TMEM45B: variants seen among roughly 807,000 people sequenced by gnomAD.
The protein encoded by TMEM45B is transmembrane protein 45B.
Under a neutral mutation model 27.3 loss-of-function variants are expected in TMEM45B, and 29 were observed. The observed-to-expected ratio is 1.06, with a 90% CI of 0.79 to 1.45. The LOEUF (loss-of-function observed/expected upper bound fraction) is 1.45. Ranked by LOEUF, TMEM45B falls within the 40% of genes most tolerant of loss-of-function variation. The pLI is 0.00. For synonymous variants in TMEM45B, 143 were observed against 134.7 expected (o/e 1.06, Z -0.43); for missense variants, 348 against 343.9 (o/e 1.01, Z -0.09).
chr11:129,817,831 G>A (rs779055136), intron 1 of TMEM45B, among the ~76,000 whole-genome samples: 1 of 152,184 alleles, frequency 6.6e-6, no homozygotes, highest in Non-Finnish European at 1.5e-5. Flanking sequence ...TGTGTTGGGT[G>A]TAATCAAAAG....
chr11:129,820,939 T>C (rs1385040937), intron 1 of TMEM45B, among the ~76,000 whole-genome samples: 3 of 152,124 alleles, frequency 2.0e-5, no homozygotes, highest in Non-Finnish European at 4.4e-5. Context: ...TCTTTTCCAG[T>C]TCTGGATGAC....
Position 129,821,677 on chromosome 11 carries a change from G to A in TMEM45B, c.-9+5779G>A, listed in dbSNP as rs199830931. On this transcript the variant is annotated intron_variant, in intron 1 of 5. Transcript: ENST00000281441. ...ATTAATCAGAAATCATTTCCCGTAC[G>A]AATTTTGAAAACATTGCTCTATTTT... 4.6e-5 allele frequency among the ~76,000 whole-genome samples: 7 copies of A among 152,238 alleles called. No homozygotes were observed. In the East Asian group the frequency reaches 1.2e-3, roughly 25 times the overall value.
At chr11:129,854,521 G>T in intron 2 of TMEM45B, 89 bp from the exon 3 acceptor site, 1 of 1,371,526 alleles carries the variant, frequency 7.3e-7, no homozygotes. Context: ...CCCCATCTCC[G>T]CTTCGCTCAT....
chr11:129,858,658 C>A lies in TMEM45B; in HGVS notation c.801C>A (p.Ala267=), dbSNP rs778274462. ...KLNSDDTYQT[A]LLSGSDEE ...ATTCAGATGACACTTACCAGACCGC[C>A]CTCTTGAGTGGCTCAGATGAGGAAT... The change falls in exon 6 of 6, where the codon GCC becomes GCA. Residue 267 remains alanine (A), a synonymous_variant. Coordinates refer to ENST00000281441, the MANE Select transcript of TMEM45B (RefSeq NM_138788.5). The A allele has an allele frequency of 1.2e-5, 19 of 1,567,888 alleles. No individual in the cohort carries two copies. The South Asian group carries it at 1.8e-4, about 15-fold the overall frequency.
At chr11:129,858,533 G>C (rs1457842582) in intron 5 of TMEM45B, 41 bp from the exon 6 acceptor site, 3 of 1,441,748 alleles carry the variant, frequency 2.1e-6, no homozygotes, top group African/African-American at 1.4e-5. Context: ...TGGATTAAGG[G>C]AATCTCTGGC....
In TMEM45B at chr11:129,852,635, A is replaced by T; in HGVS notation, c.153A>T (p.Ala51=). 1 of 1,608,808 alleles carries T rather than the reference A, an allele frequency of 6.2e-7. No homozygotes were observed. The highest frequency in any genetic ancestry group is 8.5e-7 in the Non-Finnish European group (1 of 1,175,520). ...YYQRLEIVEA[A]IRTLFSVTGI... Reference sequence around the variant, plus strand: ...AGCGTCTCGAGATCGTCGAAGCCGCAATTAGGACTTTGTTTTCCGTCACTG... The same window carrying T: ...AGCGTCTCGAGATCGTCGAAGCCGCTATTAGGACTTTGTTTTCCGTCACTG... Residue 51 remains alanine, a synonymous_variant, in exon 2 of 6, where the codon GCA becomes GCT. Coordinates refer to ENST00000281441, the MANE Select transcript of TMEM45B (RefSeq NM_138788.5).
chr11:129,843,701 C>G (rs1947724460), intron 1 of TMEM45B, among the ~76,000 whole-genome samples: 1 of 151,806 alleles, frequency 6.6e-6, no homozygotes, highest in African/African-American at 2.4e-5. Flanking sequence ...CTCAACATCA[C>G]TAATCGTCAG....
intron 1 of TMEM45B, among the ~76,000 whole-genome samples, chr11:129,823,326 G>A (rs150260542): frequency 6.5e-4 from 99 of 152,180 alleles, no homozygotes; most frequent in East Asian, 5.6e-3. Context: ...CAGATACTAC[G>A]TTTGATAGGA....
intron 1 of TMEM45B, 127 bp downstream of exon 1, chr11:129,816,025 G>A: frequency 8.2e-7 from 1 of 1,220,340 alleles, no homozygotes; most frequent in Non-Finnish European, 1.0e-6. Flanking sequence ...CGGGGGAGGG[G>A]ACGCGGACAG....
At chr11:129,820,889 A>G (rs1947411040) in intron 1 of TMEM45B, among the ~76,000 whole-genome samples, 1 of 152,098 alleles carries the variant, frequency 6.6e-6, no homozygotes, top group African/African-American at 2.4e-5. Flanking sequence ...TGATATTACC[A>G]TATTCTAAAT....
rs1947485577 is a variant in TMEM45B, at chr11:129,826,573, C to A, written c.-9+10675C>A. Among the ~76,000 whole-genome samples, 2 of 81,064 alleles carry A rather than the reference C, an allele frequency of 2.5e-5. 1 individual carries two copies. Among genetic ancestry groups the A allele is most frequent in the Admixed American group, 2.8e-4 (2 of 7,246 alleles). 53.2% of individuals were successfully genotyped at this position (81,064 alleles called of 152,430 possible). ...CAAAAAAAAAAAAAAAAAAAAGGAC[C>A]CTGAGAGGCTATGTGTCTTGCTCAA... On this transcript the variant is annotated intron_variant, in intron 1 of 5. Transcript: ENST00000281441.
intron 1 of TMEM45B, among the ~76,000 whole-genome samples, chr11:129,825,733 G>GGGAA (rs746585864): frequency 6.6e-6 from 1 of 152,130 alleles, no homozygotes; most frequent in African/African-American, 2.4e-5. Context: ...TGGATGCTGA[G>GGGAA]GGAAGGAAGG....
chr11:129,855,875 G>A lies in TMEM45B; in HGVS notation c.553G>A (p.Gly185Arg), dbSNP rs775422659. ...LFRTSLIILQ[G>R]TWFWQIGFVL... ...CCGAACCAGTCTCATCATTCTTCAGGGAACCTGGTTCTGGCAGGTGATTTT... is the reference window on the plus strand; with the variant it reads ...CCGAACCAGTCTCATCATTCTTCAGAGAACCTGGTTCTGGCAGGTGATTTT... Residue 185 changes from glycine to arginine, a missense_variant, in exon 4 of 6, where the codon GGA (glycine) becomes AGA (arginine). By Grantham distance (125) the Gly-to-Arg change is moderately radical (BLOSUM62 -2). Coordinates refer to ENST00000281441, the MANE Select transcript of TMEM45B (RefSeq NM_138788.5). 2.5e-6 allele frequency: 4 copies of A among 1,614,058 alleles called. No individual in the cohort carries two copies. Among genetic ancestry groups the A allele is most frequent in the Non-Finnish European group, 3.4e-6 (4 of 1,180,010 alleles).
chr11:129,849,519 C>T (rs796624330), intron 1 of TMEM45B, among the ~76,000 whole-genome samples: 26 of 152,340 alleles, frequency 1.7e-4, no homozygotes, highest in African/African-American at 6.0e-4. Flanking sequence ...TGCAGTGGCT[C>T]CACCCCGGTG....
In TMEM45B at chr11:129,859,677, G is replaced by T. The variant is rs927864187; in HGVS notation, c.*992G>T. 1.3e-5 allele frequency: 2 copies of T among 152,020 alleles called. No homozygotes were observed. The highest frequency in any genetic ancestry group is 4.8e-5 in the African/African-American group (2 of 41,372). 9.4% of individuals were successfully genotyped at this position (152,020 alleles called of 1,614,324 possible). A position where few individuals can be genotyped will look rare whatever the true frequency, so the allele number is the denominator to read the frequency against. ...CTACTGAAAATACAAAAAATTAGCC[G>T]GGTGTGGTGGCGGGCGCCTGTAGTT... On this transcript the variant is annotated 3_prime_UTR_variant, in exon 6 of 6. Coordinates refer to ENST00000281441, the MANE Select transcript of TMEM45B (RefSeq NM_138788.5).
intron 1 of TMEM45B, among the ~76,000 whole-genome samples, chr11:129,827,469 T>C (rs966616528): frequency 2.6e-5 from 4 of 152,168 alleles, no homozygotes; most frequent in African/African-American, 7.2e-5. Context: ...AGCACAGTGG[T>C]AAGTATGTGT....
rs1947451714 is a variant in TMEM45B, at chr11:129,824,109, C to T, written c.-9+8211C>T. Reference sequence around the variant, plus strand: ...CTAACTCAGACCCACAATGAAAGTCCCTCTCTTCTGGCCATTACTGAGATA... The same window carrying T: ...CTAACTCAGACCCACAATGAAAGTCTCTCTCTTCTGGCCATTACTGAGATA... On this transcript the variant is annotated intron_variant, in intron 1 of 5. Coordinates refer to ENST00000281441, the MANE Select transcript of TMEM45B (RefSeq NM_138788.5). 3.9e-5 allele frequency among the ~76,000 whole-genome samples: 6 copies of T among 152,304 alleles called. No individual in the cohort carries two copies. The South Asian group carries it at 1.2e-3, about 32-fold the overall frequency.
chr11:129,839,512 T>C (rs565656290), intron 1 of TMEM45B, among the ~76,000 whole-genome samples: 30 of 152,320 alleles, frequency 2.0e-4, no homozygotes, highest in African/African-American at 7.2e-4. Context: ...GTTGGGGAAT[T>C]TGCCTTTGTG....
intron 1 of TMEM45B, among the ~76,000 whole-genome samples, chr11:129,842,630 T>C (rs1337899500): frequency 6.6e-6 from 1 of 152,172 alleles, no homozygotes; most frequent in East Asian, 1.9e-4. Flanking sequence ...TCTTCCACCA[T>C]ATACAAAAAT....
Sources: gnomAD v4.1 joint callset for allele counts (sites outside exome capture counted in the v4.1 genomes callset) on GRCh38, gnomAD v4.1.1 for gene constraint, MANE v1.5 for transcripts, NCBI Gene and HGNC (gene_info 2026-07-23, HGNC 2026-07-21) for gene names.